The following EFNA5 variants were observed in gnomAD, a reference collection of about 807,000 sequenced individuals.
EFNA5 encodes ephrin A5.
A neutral mutation model predicts 22.9 loss-of-function variants in EFNA5; 5 were observed. That is an observed-to-expected ratio of 0.22 (90% confidence interval 0.11 to 0.46). The LOEUF is 0.46. EFNA5 is among the 20% of genes least tolerant of loss of function. EFNA5 has a pLI of 0.99. For missense variants in EFNA5, 237 were observed against 293.3 expected (o/e 0.81, Z 1.40); for synonymous variants, 113 against 112.2 (o/e 1.01, Z -0.04).
At chr5:107,640,976 G>GTAGATAGATAGATAGATAGA (rs55898305) in intron 1 of EFNA5, among the ~76,000 whole-genome samples, 26 of 145,568 alleles carry the variant, frequency 1.8e-4, no homozygotes, top group East Asian at 1.2e-3. Flanking sequence ...AGGTAGGCAG[G>GTAGATAGATAGATAGATAGA]TAGATAGATA....
rs1389585069 is a variant in EFNA5 at position 107,380,481 on chromosome 5, A to T, written c.*774T>A. 4.1e-6 allele frequency: 1 copy of T among 244,770 alleles called. No individual in the cohort carries two copies. The highest frequency in any genetic ancestry group is 1.8e-4 in the South Asian group (1 of 5,552). 15.2% of individuals were successfully genotyped at this position (244,770 alleles called of 1,614,324 possible). ...TGTGCACTGCCCAGTCACCAAAAAA[A>T]TTAGAGGCACTCACACATACACACC... is the stretch of plus-strand genomic sequence containing the variant. On this transcript the variant is annotated 3_prime_UTR_variant, in exon 5 of 5. Coordinates refer to ENST00000333274, the MANE Select transcript of EFNA5 (RefSeq NM_001962.3).
chr5:107,502,540 G>C (rs1460306050), intron 1 of EFNA5, among the ~76,000 whole-genome samples: 1 of 152,194 alleles, frequency 6.6e-6, no homozygotes, highest in Non-Finnish European at 1.5e-5. Context: ...GTATCTTGTT[G>C]TTTCATCTGT....
chr5:107,534,940 G>A (rs1253645771), intron 1 of EFNA5, among the ~76,000 whole-genome samples: 1 of 152,120 alleles, frequency 6.6e-6, no homozygotes, highest in Non-Finnish European at 1.5e-5. Context: ...CATAATGAAA[G>A]TTTGCCATGA....
At chr5:107,598,144 C>A (rs559627324) in intron 1 of EFNA5, among the ~76,000 whole-genome samples, 11 of 152,236 alleles carry the variant, frequency 7.2e-5, no homozygotes, top group Middle Eastern at 3.4e-3. Context: ...GGTCCTACCA[C>A]ATGTCAGATA....
At chr5:107,470,955 T>G (rs1367209635) in intron 1 of EFNA5, among the ~76,000 whole-genome samples, 1 of 152,214 alleles carries the variant, frequency 6.6e-6, no homozygotes, top group African/African-American at 2.4e-5. Flanking sequence ...TACTAAGTTC[T>G]GATGATTTCT....
intron 1 of EFNA5, among the ~76,000 whole-genome samples, chr5:107,617,071 T>A (rs1580562287): frequency 6.6e-6 from 1 of 152,046 alleles, no homozygotes; most frequent in African/African-American, 2.4e-5. Context: ...ATCTAAAGGC[T>A]TTTGCCCACT....
chr5:107,409,580 A>G (rs1386300225), intron 2 of EFNA5, among the ~76,000 whole-genome samples: 1 of 152,216 alleles, frequency 6.6e-6, no homozygotes, highest in Non-Finnish European at 1.5e-5. Context: ...GTCCTTCTAT[A>G]GCCCCCAGCT....
intron 1 of EFNA5, among the ~76,000 whole-genome samples, chr5:107,563,033 C>G (rs2112479017): frequency 6.6e-6 from 1 of 152,284 alleles, no homozygotes; most frequent in East Asian, 1.9e-4. Context: ...AAAGTAATCA[C>G]CCACCAGCTC....
chr5:107,595,777 CAAGTTAATT>C lies in EFNA5; in HGVS notation c.125+74703_125+74711del, dbSNP rs1256588662. On this transcript the variant is annotated intron_variant, in intron 1 of 4. Transcript: ENST00000333274. ...GCTACTGCTAGCTGTGTGCCACATG[CAAGTTAATT>C]AAGTCTTTCAGTCCTCAATTTACTG... 4.6e-5 allele frequency among the ~76,000 whole-genome samples: 7 copies of C among 152,102 alleles called. No individual in the cohort carries two copies. In the South Asian group the frequency reaches 6.2e-4, roughly 14 times the overall value.
intron 1 of EFNA5, among the ~76,000 whole-genome samples, chr5:107,493,214 T>A (rs535634014): frequency 6.8e-6 from 1 of 146,386 alleles, no homozygotes; most frequent in South Asian, 2.2e-4. Context: ...TTGTTTTTTG[T>A]TTTTTTTTTA....
At chr5:107,433,622 A>G (rs1424768437) in intron 1 of EFNA5, among the ~76,000 whole-genome samples, 1 of 152,212 alleles carries the variant, frequency 6.6e-6, no homozygotes, top group African/African-American at 2.4e-5. Flanking sequence ...CTTGCTGAGC[A>G]TGGTGGCTGA....
At chr5:107,512,487 G>A (rs2112435496) in intron 1 of EFNA5, among the ~76,000 whole-genome samples, 1 of 151,798 alleles carries the variant, frequency 6.6e-6, no homozygotes, top group South Asian at 2.1e-4. Flanking sequence ...TACAGTTCTT[G>A]TAGGCCATCA....
At chr5:107,539,919 T>C (rs534906107) in intron 1 of EFNA5, among the ~76,000 whole-genome samples, 23 of 152,330 alleles carry the variant, frequency 1.5e-4, no homozygotes, top group Non-Finnish European at 2.6e-4. Flanking sequence ...CTTTCGAATG[T>C]GGCTTTTGAA....
At chr5:107,591,704 C>T in intron 1 of EFNA5, among the ~76,000 whole-genome samples, 1 of 145,900 alleles carries the variant, frequency 6.9e-6, no homozygotes, top group Non-Finnish European at 1.5e-5. Flanking sequence ...CCCTGTAATC[C>T]CAGCTACTCG....
chr5:107,670,030 T>TA (rs67814628), intron 1 of EFNA5, among the ~76,000 whole-genome samples: 54 of 116,680 alleles, frequency 4.6e-4, no homozygotes, highest in Middle Eastern at 6.8e-3. Flanking sequence ...AAATTAAAAT[T>TA]AAAAAAAAAA....
chr5:107,586,052 T>C (rs1409530424), intron 1 of EFNA5, among the ~76,000 whole-genome samples: 1 of 152,098 alleles, frequency 6.6e-6, no homozygotes, highest in Non-Finnish European at 1.5e-5. Flanking sequence ...GTGGATGCAA[T>C]TTTTTTAATG....
chr5:107,551,862 C>A (rs946289607), intron 1 of EFNA5, among the ~76,000 whole-genome samples: 13 of 151,726 alleles, frequency 8.6e-5, no homozygotes, highest in African/African-American at 3.2e-4. Flanking sequence ...CATGATAATT[C>A]TTTTAAGTCT....
chr5:107,426,056 A>G (rs977260305), intron 2 of EFNA5, among the ~76,000 whole-genome samples: 4 of 152,198 alleles, frequency 2.6e-5, no homozygotes, highest in African/African-American at 9.7e-5. Context: ...ATTTATCTTC[A>G]TCATCAGCAA....
chr5:107,415,420 T>G (rs1273043983), intron 2 of EFNA5, among the ~76,000 whole-genome samples: 2 of 152,202 alleles, frequency 1.3e-5, no homozygotes, highest in Non-Finnish European at 2.9e-5. Flanking sequence ...AGTTTTTATT[T>G]TCCAAATACT....
Sources: gnomAD v4.1 joint callset for allele counts (sites outside exome capture counted in the v4.1 genomes callset) on GRCh38, gnomAD v4.1.1 for gene constraint, MANE v1.5 for transcripts, NCBI Gene and HGNC (gene_info 2026-07-23, HGNC 2026-07-21) for gene names.